The following ARHGAP6 variants were observed in gnomAD, a reference collection of about 807,000 sequenced individuals.
ARHGAP6 encodes Rho GTPase activating protein 6.
ARHGAP6 carries 16 observed loss-of-function variants against 55.7 expected under a neutral mutation model. The observed-to-expected ratio is 0.29, with a 90% confidence interval of 0.19 to 0.44. The LOEUF (loss-of-function observed/expected upper bound fraction) is 0.44, where lower values mean the gene tolerates loss of function less well. Among genes scored for constraint, ARHGAP6 ranks in the 20% least tolerant of loss-of-function variants. The pLI is 1.00. For synonymous variants in ARHGAP6, 382 were observed against 360.9 expected, an observed-to-expected ratio of 1.06 and a Z score of -0.66; for missense variants, 698 against 808.9, an observed-to-expected ratio of 0.86 and a Z score of 1.66.
chrX:11,359,875 C>T (rs773071169), intron 1 of ARHGAP6, among the ~76,000 whole-genome samples: 1 of 112,222 alleles, frequency 8.9e-6, no homozygotes, highest in East Asian at 2.8e-4. Flanking sequence ...ATACTACAAA[C>T]ACATCTACGC....
chrX:11,417,864 CT>C (rs747850625), intron 1 of ARHGAP6, among the ~76,000 whole-genome samples: 5 of 111,600 alleles, frequency 4.5e-5, no homozygotes, highest in African/African-American at 1.6e-4. Context: ...CTTTGGTTTC[CT>C]CATCTTTTAA....
intron 1 of ARHGAP6, among the ~76,000 whole-genome samples, chrX:11,410,092 C>T (rs977536525): frequency 8.9e-6 from 1 of 111,910 alleles, no homozygotes; most frequent in Non-Finnish European, 1.9e-5. Flanking sequence ...ACATAGAGTT[C>T]CTATAATGAC....
At chrX:11,139,583 C>T in intron 12 of ARHGAP6, 53 bp from the exon 13 acceptor site, 1 of 1,083,438 alleles carries the variant, frequency 9.2e-7, no homozygotes, top group Non-Finnish European at 1.2e-6. Context: ...AGAATCCTTG[C>T]TGGGGATTCA....
intron 10 of ARHGAP6, among the ~76,000 whole-genome samples, chrX:11,150,256 T>C (rs2045756051): frequency 8.9e-6 from 1 of 111,854 alleles, no homozygotes; most frequent in African/African-American, 3.3e-5. Flanking sequence ...AACTAGTTAC[T>C]GTGTCACAGA....
intron 1 of ARHGAP6, among the ~76,000 whole-genome samples, chrX:11,390,969 T>C (rs2049396575): frequency 8.9e-6 from 1 of 112,100 alleles, no homozygotes; most frequent in South Asian, 3.7e-4. Flanking sequence ...ACTGGGTATA[T>C]ACCCAAAGGA....
At position 11,387,768 on chromosome X, in the gene ARHGAP6, T is replaced by G. The variant is rs983446145; in HGVS notation, c.589-133061A>C. 2.3e-4 allele frequency among the ~76,000 whole-genome samples: 25 copies of G among 110,994 alleles called. 1 individual carries two copies. Among genetic ancestry groups the G allele is most frequent in the African/African-American group, 7.9e-4 (24 of 30,421 alleles). On this transcript the variant is annotated intron_variant, in intron 1 of 12. Transcript: ENST00000337414. ...CCTTCCTGTGTCCATGTGTTCTTAT[T>G]GTTCAATTCCCACCTATGAGTGAGA...
At chrX:11,632,412 T>C (rs1017472521) in intron 1 of ARHGAP6, among the ~76,000 whole-genome samples, 13 of 112,371 alleles carry the variant, frequency 1.2e-4, no homozygotes, top group African/African-American at 4.2e-4. Context: ...GGTTACCATT[T>C]ATGTGACTTT....
intron 1 of ARHGAP6, among the ~76,000 whole-genome samples, chrX:11,496,123 C>T (rs2050619684): frequency 8.9e-6 from 1 of 112,538 alleles, no homozygotes; most frequent in South Asian, 3.7e-4. Flanking sequence ...AAGAAATCAG[C>T]TAAACTGTGT....
chrX:11,518,462 CTTTTTTTTTTTTT>C (rs368595944), intron 1 of ARHGAP6, among the ~76,000 whole-genome samples: 1 of 74,931 alleles, frequency 1.3e-5, no homozygotes, highest in Non-Finnish European at 2.5e-5. Flanking sequence ...TTTTTTTTTT[CTTTTTTTTTTTTT>C]TTTTTGACCT....
chrX:11,522,905 A>T lies in ARHGAP6; in HGVS notation c.588+141336T>A, dbSNP rs767139335. ...TTTTATGAGGCCAGCATCATCCTGA[A>T]ACCAAAGCCGGGCAGAGACACAACA... On this transcript the variant is annotated intron_variant, in intron 1 of 12. Coordinates refer to ENST00000337414, the MANE Select transcript of ARHGAP6 (RefSeq NM_013427.3). Among the ~76,000 whole-genome samples the T allele has an allele frequency of 1.1e-3, 126 of 111,258 alleles. 1 individual carries two copies. Among genetic ancestry groups the T allele is most frequent in the Non-Finnish European group, 1.5e-3 (80 of 53,082 alleles).
intron 1 of ARHGAP6, among the ~76,000 whole-genome samples, chrX:11,322,891 C>T (rs974556641): frequency 9.8e-5 from 11 of 112,135 alleles, no homozygotes; most frequent in African/African-American, 3.6e-4. Context: ...TGGGGTTTAA[C>T]CCAAAATGTT....
intron 2 of ARHGAP6, among the ~76,000 whole-genome samples, chrX:11,230,593 C>A (rs1243608637): frequency 9.3e-6 from 1 of 107,094 alleles, no homozygotes; most frequent in Non-Finnish European, 1.9e-5. Flanking sequence ...AAGTTTTTGA[C>A]CTTAAAAGTT....
At position 11,178,072 on chromosome X, in the gene ARHGAP6, G is replaced by A. The variant is rs752343473; in HGVS notation, c.1629+28C>T. 17 of 1,207,935 alleles carry A rather than the reference G, an allele frequency of 1.4e-5. No individual in the cohort carries two copies. The Admixed American group carries it at 2.2e-4, about 16-fold the overall frequency. ...TAAAATAGGGGAGAGGAAGAGTCAC[G>A]GCATCTATGGCAGCAAAGGCATCTT... On this transcript the variant is annotated intron_variant, in intron 8 of 12. Transcript: ENST00000337414.
chrX:11,205,679 T>C (rs1188638961), intron 2 of ARHGAP6, among the ~76,000 whole-genome samples: 1 of 111,544 alleles, frequency 9.0e-6, no homozygotes. Flanking sequence ...ACCTTTTTGT[T>C]CTTATCCTTC....
At chrX:11,435,880 A>G (rs187025054) in intron 1 of ARHGAP6, among the ~76,000 whole-genome samples, 1 of 112,187 alleles carries the variant, frequency 8.9e-6, no homozygotes, top group Non-Finnish European at 1.9e-5. Context: ...CTGCTAAGTA[A>G]CTTGCTACAT....
chrX:11,406,854 A>G (rs1369575582), intron 1 of ARHGAP6, among the ~76,000 whole-genome samples: 1 of 108,659 alleles, frequency 9.2e-6, no homozygotes, highest in African/African-American at 3.3e-5. Context: ...AGAAACATCT[A>G]AATAGATAAA....
At chrX:11,438,926 G>A (rs1364670537) in intron 1 of ARHGAP6, among the ~76,000 whole-genome samples, 2 of 112,475 alleles carry the variant, frequency 1.8e-5, no homozygotes, top group African/African-American at 6.5e-5. Context: ...GAAAGTGCAC[G>A]AGTTGAAATT....
At chrX:11,404,425 A>C (rs771618233) in intron 1 of ARHGAP6, among the ~76,000 whole-genome samples, 2 of 112,311 alleles carry the variant, frequency 1.8e-5, no homozygotes, top group East Asian at 2.8e-4. Context: ...CAGTCTTTTT[A>C]ATGCAACATT....
intron 1 of ARHGAP6, among the ~76,000 whole-genome samples, chrX:11,260,143 A>G (rs1275357217): frequency 2.7e-5 from 3 of 111,270 alleles, no homozygotes; most frequent in African/African-American, 9.8e-5. Flanking sequence ...AGGAGCCACA[A>G]GACAAGAAAT....
Sources: gnomAD v4.1 joint callset for allele counts (sites outside exome capture counted in the v4.1 genomes callset) on GRCh38, gnomAD v4.1.1 for gene constraint, MANE v1.5 for transcripts, NCBI Gene and HGNC (gene_info 2026-07-23, HGNC 2026-07-21) for gene names.